Variants in WWOX observed in about 807,000 individuals in gnomAD.
WWOX encodes the protein WW domain containing oxidoreductase, also known as WW domain-containing oxidoreductase.
A neutral mutation model predicts 46.2 loss-of-function variants in WWOX; 69 were observed. The ratio of observed to expected loss-of-function variants is 1.49; its 90% CI spans 1.23 to 1.82. The LOEUF (loss-of-function observed/expected upper bound fraction) is 1.82. Ranked by LOEUF, WWOX falls within the 40% of genes most tolerant of loss-of-function variation. The pLI, the probability that WWOX is intolerant of heterozygous loss-of-function variation, is 0.00. For missense variants in WWOX, 919 were observed against 542.6 expected (o/e 1.69, Z -6.89); for synonymous variants, 359 against 202.6 (o/e 1.77, Z -6.56).
intron 8 of WWOX, among the ~76,000 whole-genome samples, chr16:78,575,754 A>G (rs775101506): frequency 1.3e-5 from 2 of 152,048 alleles, no homozygotes; most frequent in African/African-American, 4.8e-5. Context: ...TTAAATCACA[A>G]CTCTATTTAC....
intron 8 of WWOX, among the ~76,000 whole-genome samples, chr16:78,731,694 T>G (rs913581899): frequency 1.3e-5 from 2 of 152,146 alleles, no homozygotes; most frequent in Non-Finnish European, 2.9e-5. Flanking sequence ...TGATCATTAT[T>G]GACTGGAAAG....
At chr16:78,403,815 A>G (rs901763909) in intron 6 of WWOX, among the ~76,000 whole-genome samples, 1 of 152,098 alleles carries the variant, frequency 6.6e-6, no homozygotes, top group South Asian at 2.1e-4. Flanking sequence ...CTAGCCCTTC[A>G]CTCAAGTTTC....
At chr16:78,695,343 G>A (rs2048076258) in intron 8 of WWOX, among the ~76,000 whole-genome samples, 1 of 151,950 alleles carries the variant, frequency 6.6e-6, no homozygotes, top group Non-Finnish European at 1.5e-5. Context: ...CCTCCCATAT[G>A]TCCCTCCCTC....
intron 5 of WWOX, among the ~76,000 whole-genome samples, chr16:78,384,610 C>G (rs534379592): frequency 6.6e-6 from 1 of 152,222 alleles, no homozygotes; most frequent in African/African-American, 2.4e-5. Context: ...GACCCTCTAG[C>G]TCTGTTATTT....
At chr16:78,299,502 A>ATTTCT (rs1161294285) in intron 5 of WWOX, among the ~76,000 whole-genome samples, 32 of 148,220 alleles carry the variant, frequency 2.2e-4, no homozygotes, top group East Asian at 2.0e-3. Flanking sequence ...ATTCCATTCC[A>ATTTCT]TTTCTTTTCT....
intron 8 of WWOX, among the ~76,000 whole-genome samples, chr16:78,658,728 C>T (rs950755289): frequency 1.3e-5 from 2 of 152,176 alleles, no homozygotes; most frequent in African/African-American, 2.4e-5. Flanking sequence ...ATTTAGGGCT[C>T]ACTGGAATCC....
At chr16:79,015,010 C>T (rs1164448017) in intron 8 of WWOX, among the ~76,000 whole-genome samples, 4 of 152,160 alleles carry the variant, frequency 2.6e-5, no homozygotes, top group Non-Finnish European at 4.4e-5. Flanking sequence ...GATGGAAAGG[C>T]AGAAATCCAA....
chr16:78,138,105 G>C (rs1156452542), intron 4 of WWOX, among the ~76,000 whole-genome samples: 1 of 150,726 alleles, frequency 6.6e-6, no homozygotes. Flanking sequence ...TAAATGGCTC[G>C]CTGCATCCTC....
intron 8 of WWOX, among the ~76,000 whole-genome samples, chr16:79,150,465 T>A (rs1273316023): frequency 6.6e-6 from 1 of 152,136 alleles, no homozygotes; most frequent in Non-Finnish European, 1.5e-5. Context: ...TAAATGGTGC[T>A]AAATCTATGT....
intron 8 of WWOX, among the ~76,000 whole-genome samples, chr16:78,789,169 T>C (rs1453731879): frequency 6.6e-6 from 1 of 152,144 alleles, no homozygotes; most frequent in Non-Finnish European, 1.5e-5. Context: ...GAGAGGAGTC[T>C]TCTGTGTTGA....
At chr16:78,952,772 C>G (rs1324407179) in intron 8 of WWOX, among the ~76,000 whole-genome samples, 3 of 152,122 alleles carry the variant, frequency 2.0e-5, no homozygotes, top group African/African-American at 7.2e-5. Flanking sequence ...CCCAACGTAT[C>G]CCTACTGCCC....
intron 8 of WWOX, among the ~76,000 whole-genome samples, chr16:78,496,778 A>G (rs2084928660): frequency 6.6e-6 from 1 of 152,232 alleles, no homozygotes; most frequent in African/African-American, 2.4e-5. Flanking sequence ...GCCCAGGGAA[A>G]TGGGAAGTGC....
At chr16:79,127,072 A>G (rs558244749) in intron 8 of WWOX, among the ~76,000 whole-genome samples, 4 of 152,188 alleles carry the variant, frequency 2.6e-5, no homozygotes, top group African/African-American at 7.2e-5. Context: ...CACATAAAAT[A>G]TTTATTTTTG....
intron 8 of WWOX, among the ~76,000 whole-genome samples, chr16:79,021,305 T>G (rs1188193447): frequency 6.6e-6 from 1 of 152,174 alleles, no homozygotes; most frequent in African/African-American, 2.4e-5. Context: ...GATGCAAGAT[T>G]AGCGAGATAT....
At chr16:78,426,350 G>C (rs542375125) in intron 7 of WWOX, among the ~76,000 whole-genome samples, 1 of 152,178 alleles carries the variant, frequency 6.6e-6, no homozygotes, top group African/African-American at 2.4e-5. Context: ...ATGTTTAAAT[G>C]AGCTGGTATT....
chr16:78,528,105 T>A (rs1364648394), intron 8 of WWOX, among the ~76,000 whole-genome samples: 1 of 144,962 alleles, frequency 6.9e-6, no homozygotes, highest in Admixed American at 7.1e-5. Flanking sequence ...TTCGTGCCAT[T>A]CTCCTGCCTC....
At chr16:78,814,684 C>T (rs1243820446) in intron 8 of WWOX, among the ~76,000 whole-genome samples, 1 of 152,196 alleles carries the variant, frequency 6.6e-6, no homozygotes, top group Non-Finnish European at 1.5e-5. Flanking sequence ...CATCCAGGGT[C>T]AAGGTTTTCC....
chr16:78,206,226 G>C (rs536310701), intron 5 of WWOX, among the ~76,000 whole-genome samples: 35 of 152,172 alleles, frequency 2.3e-4, no homozygotes, highest in African/African-American at 7.7e-4. Context: ...GAAGTTATTG[G>C]TGGTGGAATA....
chr16:79,043,195 T>C (rs2048004397), intron 8 of WWOX, among the ~76,000 whole-genome samples: 1 of 151,724 alleles, frequency 6.6e-6, no homozygotes, highest in Admixed American at 6.6e-5. Context: ...TGAGTGTTTT[T>C]TTAAATGAAA....
Sources: allele counts gnomAD v4.1 joint callset (sites outside exome capture counted in the v4.1 genomes callset), GRCh38; gene constraint gnomAD v4.1.1; transcripts MANE v1.5; gene names NCBI Gene and HGNC (gene_info 2026-07-23, HGNC 2026-07-21).